PLXNA4: variants seen among roughly 807,000 people sequenced by gnomAD.
PLXNA4 encodes the protein plexin-A4.
Under a neutral mutation model 191.8 loss-of-function variants are expected in PLXNA4, and 44 were observed. The ratio of observed to expected loss-of-function variants is 0.23; its 90% confidence interval spans 0.18 to 0.29. PLXNA4 has a LOEUF of 0.29. PLXNA4 is among the 10% of genes least tolerant of loss of function. The probability of loss-of-function intolerance (pLI) is 1.00; values close to 1 mark genes in which losing one functional copy is unlikely to be tolerated. For synonymous variants in PLXNA4, 1,082 were observed against 1,009.5 expected, an observed-to-expected ratio of 1.07 and a Z score of -1.36; for missense variants, 1,800 against 2,488.8, an observed-to-expected ratio of 0.72 and a Z score of 5.89.
chr7:132,390,409 GC>G (rs1473922983), intron 3 of PLXNA4, among the ~76,000 whole-genome samples: 1 of 152,104 alleles, frequency 6.6e-6, no homozygotes, highest in Non-Finnish European at 1.5e-5. Context: ...ACACACTGGG[GC>G]CTGTCGGGGG....
chr7:132,357,387 G>A (rs1278617520), intron 3 of PLXNA4, among the ~76,000 whole-genome samples: 1 of 152,232 alleles, frequency 6.6e-6, no homozygotes, highest in Admixed American at 6.5e-5. Context: ...CTTCTTGCAC[G>A]GTTTTCTCGT....
chr7:132,630,451 C>T (rs1392893844), intron 2 of PLXNA4, among the ~76,000 whole-genome samples: 1 of 152,140 alleles, frequency 6.6e-6, no homozygotes, highest in African/African-American at 2.4e-5. Flanking sequence ...TATCATGTGC[C>T]CCGTTGCTTT....
rs113875042 is a variant in PLXNA4, at chr7:132,404,519, G to A, written c.1371+84773C>T. Among the ~76,000 whole-genome samples, 347 of 152,288 alleles carry A rather than the reference G, an allele frequency of 2.3e-3. 1 individual carries two copies. Among genetic ancestry groups the A allele is most frequent in the Non-Finnish European group, 2.9e-3 (198 of 68,014 alleles). ...AACAGGATGGCCACACAACCAACAC[G>A]GCTTGCTGGTGTCACAGTGTCCCTG... On this transcript the variant is annotated intron_variant, in intron 3 of 31. Transcript: ENST00000321063.
chr7:132,385,284 G>A (rs1805077841), intron 3 of PLXNA4: 2 of 1,612,354 alleles, frequency 1.2e-6, no homozygotes, highest in South Asian at 1.1e-5. Context: ...GGCAGAGGCT[G>A]GTACCAGGCA....
intron 3 of PLXNA4, among the ~76,000 whole-genome samples, chr7:132,349,398 G>C (rs904588252): frequency 6.6e-6 from 1 of 152,168 alleles, no homozygotes; most frequent in Non-Finnish European, 1.5e-5. Flanking sequence ...AGGAGTGGCT[G>C]CAACCCTGCC....
At chr7:132,282,898 A>T (rs896013546) in intron 4 of PLXNA4, among the ~76,000 whole-genome samples, 3 of 152,068 alleles carry the variant, frequency 2.0e-5, no homozygotes, top group Admixed American at 6.6e-5. Context: ...ATTTTTTGAG[A>T]TAGGGTTTTG....
intron 3 of PLXNA4, among the ~76,000 whole-genome samples, chr7:132,438,126 ATGTGTGTGGGT>A (rs1283127484): frequency 6.6e-6 from 1 of 152,212 alleles, no homozygotes; most frequent in Non-Finnish European, 1.5e-5. Context: ...GTGTATAAGC[ATGTGTGTGGGT>A]TTGCACGCAG....
At position 132,146,588 on chromosome 7, in the gene PLXNA4, C is replaced by T. The variant is rs1394792278; in HGVS notation, c.4977G>A (p.Glu1659=). ...VKMWHLVKNH[E]HGDQKEGDRG... The stretch of plus-strand genomic sequence containing the variant: ...GGTCCCCCTCCTTCTGGTCTCCGTG[C>T]TCGTGGTTCTTCACTAGGTGCCACA... The change falls in exon 28 of 32, where the codon GAG becomes GAA. Residue 1659 remains glutamate (E), a synonymous_variant. Coordinates refer to ENST00000321063, the MANE Select transcript of PLXNA4 (RefSeq NM_020911.2). The T allele has an allele frequency of 6.2e-7, 1 of 1,614,192 alleles. No homozygotes were observed. The highest frequency in any genetic ancestry group is 1.3e-5 in the African/African-American group (1 of 75,040).
chr7:132,277,722 C>T (rs75348864), intron 4 of PLXNA4, among the ~76,000 whole-genome samples: 2,315 of 152,270 alleles, frequency 0.015, 49 homozygotes, highest in African/African-American at 0.052. Context: ...GTTCTTACCC[C>T]TTTTCTTCCC....
intron 3 of PLXNA4, chr7:132,385,363 T>TCC (rs1320060855): frequency 7.3e-6 from 11 of 1,512,886 alleles, no homozygotes; most frequent in Middle Eastern, 1.8e-4. Context: ...GCCTCCTTAT[T>TCC]CCCCTCCTCC....
intron 3 of PLXNA4, among the ~76,000 whole-genome samples, chr7:132,394,026 A>T (rs1324856597): frequency 6.9e-6 from 1 of 145,454 alleles, no homozygotes; most frequent in Non-Finnish European, 1.5e-5. Context: ...TCTCTGCCTG[A>T]CCTTCCCCAA....
intron 3 of PLXNA4, among the ~76,000 whole-genome samples, chr7:132,422,430 G>GA (rs1794882416): frequency 6.6e-6 from 1 of 152,214 alleles, no homozygotes; most frequent in African/African-American, 2.4e-5. Context: ...CTTACCCAAA[G>GA]TCACACAGCT....
chr7:132,142,081 C>T (rs1005828451), intron 29 of PLXNA4, among the ~76,000 whole-genome samples: 3 of 152,152 alleles, frequency 2.0e-5, no homozygotes, highest in African/African-American at 4.8e-5. Flanking sequence ...GGAGGATGGG[C>T]TGCAGACAGG....
chr7:132,355,981 G>T (rs568389653), intron 3 of PLXNA4, among the ~76,000 whole-genome samples: 1 of 152,204 alleles, frequency 6.6e-6, no homozygotes, highest in Admixed American at 6.5e-5. Flanking sequence ...AGGTTTAAGG[G>T]GAAGAGCGAG....
At chr7:132,498,123 A>G (rs1348677580) in intron 2 of PLXNA4, among the ~76,000 whole-genome samples, 1 of 152,186 alleles carries the variant, frequency 6.6e-6, no homozygotes, top group Non-Finnish European at 1.5e-5. Context: ...GTAGAGCACA[A>G]TAAGGGATTT....
intron 1 of PLXNA4, among the ~76,000 whole-genome samples, chr7:132,510,610 C>G (rs1025216779): frequency 6.6e-6 from 1 of 152,174 alleles, no homozygotes; most frequent in African/African-American, 2.4e-5. Context: ...ACATGGCATA[C>G]AAGAGAGTGC....
intron 3 of PLXNA4, among the ~76,000 whole-genome samples, chr7:132,391,937 G>A (rs1793507585): frequency 6.6e-6 from 1 of 152,074 alleles, no homozygotes; most frequent in South Asian, 2.1e-4. Context: ...GACCAGCCTG[G>A]CCAACATGGT....
At chr7:132,271,497 C>T (rs1425713539) in intron 4 of PLXNA4, among the ~76,000 whole-genome samples, 1 of 151,276 alleles carries the variant, frequency 6.6e-6, no homozygotes, top group Non-Finnish European at 1.5e-5. Context: ...GTTACTGGTA[C>T]CTAGCTTTAT....
At chr7:132,157,123 G>A (rs1795821619) in intron 25 of PLXNA4, among the ~76,000 whole-genome samples, 1 of 152,204 alleles carries the variant, frequency 6.6e-6, no homozygotes, top group Non-Finnish European at 1.5e-5. Context: ...AAATGTGATG[G>A]CAGAGGGATC....
Sources: gnomAD v4.1 joint callset for allele counts (sites outside exome capture counted in the v4.1 genomes callset) on GRCh38, gnomAD v4.1.1 for gene constraint, MANE v1.5 for transcripts, NCBI Gene and HGNC (gene_info 2026-07-23, HGNC 2026-07-21) for gene names.